Variants in LRRC42 observed in about 807,000 individuals in gnomAD.
LRRC42 encodes the protein leucine-rich repeat-containing protein 42.
In LRRC42, 43 loss-of-function variants were observed where a neutral mutation model predicts 44.3. The observed-to-expected ratio is 0.97, with a 90% CI of 0.76 to 1.25. The LOEUF (loss-of-function observed/expected upper bound fraction) is 1.25. LRRC42 is among the 50% of genes most tolerant of loss of function. LRRC42 has a pLI of 0.00. For synonymous variants in LRRC42, 207 were observed against 195.2 expected, an observed-to-expected ratio of 1.06 and a Z score of -0.50; for missense variants, 540 against 509.1, an observed-to-expected ratio of 1.06 and a Z score of -0.58.
chr1:53,958,674 C>G (rs1654911856), intron 4 of LRRC42, among the ~76,000 whole-genome samples: 1 of 152,196 alleles, frequency 6.6e-6, no homozygotes. Flanking sequence ...GCAACCTCCA[C>G]CTCCCAGGTT....
rs201223513 is a variant in LRRC42 at position 53,957,905 on chromosome 1, C to CATTTATTT, written c.474-224_474-217dup. 2.9e-3 allele frequency among the ~76,000 whole-genome samples: 435 copies of CATTTATTT among 152,118 alleles called. 4 individuals are homozygous for CATTTATTT. Among genetic ancestry groups the CATTTATTT allele is most frequent in the African/African-American group, 0.01 (423 of 41,468 alleles). On this transcript the variant is annotated intron_variant, in intron 3 of 8. Coordinates refer to ENST00000371370, the MANE Select transcript of LRRC42 (RefSeq NM_001256409.2). ...CTTGTGACTTTCCTTTGCTAATATA[C>CATTTATTT]ATTTATTTATTTATTTATTTATTTA...
rs778424436 is a variant in LRRC42, at chr1:53,967,759, A to G, written c.1107A>G (p.Lys369=). 7 of 1,614,228 alleles carry G rather than the reference A, an allele frequency of 4.3e-6. No individual in the cohort carries two copies. The South Asian group carries it at 5.5e-5, about 13-fold the overall frequency. ...SSEKLQFYKE[K]APDCHGPVLK... ...AGAAACTCCAGTTCTATAAAGAGAA[A>G]GCCCCAGATTGCCATGGGCCAGTGT... Residue 369 remains lysine (K), a synonymous_variant, in exon 9 of 9, where the codon AAA becomes AAG. Transcript: ENST00000371370.
chr1:53,952,315 TC>T lies in LRRC42; in HGVS notation c.319del (p.Ile108LeufsTer28). ...FISDNVDHID[S>X]LIGFPEQIAE... The stretch of plus-strand genomic sequence containing the variant: ...CTCCGACAATGTGGATCACATTGAT[TC>T]CCTTATTGGCTTTCCTGAGCAGATT... On this transcript the variant is annotated frameshift_variant, in exon 3 of 9. Transcript: ENST00000371370. LOFTEE classifies it high-confidence loss of function. 1 of 1,614,228 alleles carries T rather than the reference TC, an allele frequency of 6.2e-7. No individual in the cohort carries two copies. Among genetic ancestry groups the T allele is most frequent in the Non-Finnish European group, 8.5e-7 (1 of 1,180,026 alleles).
chr1:53,963,214 G>A (rs1451433707), intron 7 of LRRC42, among the ~76,000 whole-genome samples: 1 of 152,196 alleles, frequency 6.6e-6, no homozygotes, highest in Non-Finnish European at 1.5e-5. Context: ...CCACAGGTAA[G>A]CAGGGAGACT....
chr1:53,967,332 G>T (rs113274622), intron 8 of LRRC42, among the ~76,000 whole-genome samples: 2,623 of 152,220 alleles, frequency 0.017, 78 homozygotes, highest in African/African-American at 0.06. Flanking sequence ...TTATGTACAT[G>T]ATCTCATGTA....
intron 3 of LRRC42, among the ~76,000 whole-genome samples, chr1:53,953,422 G>T (rs548699055): frequency 6.6e-6 from 1 of 152,170 alleles, no homozygotes; most frequent in Admixed American, 6.5e-5. Context: ...GCAGTGGCAC[G>T]ATCTCAGCTC....
intron 4 of LRRC42, among the ~76,000 whole-genome samples, chr1:53,959,029 GC>G (rs1176473850): frequency 6.6e-6 from 1 of 151,892 alleles, no homozygotes; most frequent in Non-Finnish European, 1.5e-5. Context: ...GATTATAGGC[GC>G]CCCCCACCAC....
At chr1:53,953,577 T>G (rs1369444707) in intron 3 of LRRC42, among the ~76,000 whole-genome samples, 2 of 152,094 alleles carry the variant, frequency 1.3e-5, no homozygotes, top group Non-Finnish European at 2.9e-5. Flanking sequence ...GCCAGGATGG[T>G]GTCGATCTCC....
At chr1:53,952,548 CAG>C (rs1654723815) in intron 3 of LRRC42, 76 bp downstream of exon 3, 7 of 1,227,284 alleles carry the variant, frequency 5.7e-6, no homozygotes, top group Non-Finnish European at 7.9e-6. Flanking sequence ...TTAGTGGGCT[CAG>C]GGGCTTCCCT....
chr1:53,965,548 C>T (rs1316601560), intron 7 of LRRC42, among the ~76,000 whole-genome samples: 2 of 150,386 alleles, frequency 1.3e-5, no homozygotes, highest in African/African-American at 4.9e-5. Context: ...GGCACTGTCT[C>T]AGCTCACTGC....
At chr1:53,961,918 C>T in intron 5 of LRRC42, 116 bp from the exon 6 acceptor site, 1 of 714,462 alleles carries the variant, frequency 1.4e-6, no homozygotes, top group Non-Finnish European at 2.4e-6. Flanking sequence ...AAAAGTTTGC[C>T]AACTCAAATG....
chr1:53,951,549 T>C (rs1654680647), intron 2 of LRRC42, among the ~76,000 whole-genome samples: 1 of 152,196 alleles, frequency 6.6e-6, no homozygotes, highest in African/African-American at 2.4e-5. Context: ...CTCAGCCTCC[T>C]GAGTAGCTGG....
chr1:53,956,441 T>C (rs922796053), intron 3 of LRRC42, among the ~76,000 whole-genome samples: 1 of 152,250 alleles, frequency 6.6e-6, no homozygotes, highest in Non-Finnish European at 1.5e-5. Context: ...ATATTGTTTC[T>C]CTTTTTCTTA....
intron 2 of LRRC42, among the ~76,000 whole-genome samples, chr1:53,949,405 A>G (rs997734918): frequency 4.6e-5 from 7 of 152,224 alleles, no homozygotes; most frequent in South Asian, 4.1e-4. Context: ...TTCATCCACT[A>G]TAATAGGGTA....
At chr1:53,953,794 C>T (rs1309492070) in intron 3 of LRRC42, among the ~76,000 whole-genome samples, 2 of 151,496 alleles carry the variant, frequency 1.3e-5, no homozygotes, top group African/African-American at 4.9e-5. Context: ...TGCAATGGCG[C>T]GATCTCAGCT....
At chr1:53,957,023 G>C (rs1368577357) in intron 3 of LRRC42, among the ~76,000 whole-genome samples, 2 of 152,172 alleles carry the variant, frequency 1.3e-5, no homozygotes, top group African/African-American at 2.4e-5. Context: ...ACCCTTTAAG[G>C]GGGTATCAGT....
rs117015457 is a variant in LRRC42, at chr1:53,953,032, C to T, written c.473+560C>T. Among the ~76,000 whole-genome samples, 1,082 of 152,224 alleles carry T rather than the reference C, an allele frequency of 7.1e-3. 10 individuals carry two copies. Among genetic ancestry groups the T allele is most frequent in the African/African-American group, 0.024 (1,013 of 41,508 alleles). ...GCTTTATTTAAAATTTTTACTTTAC[C>T]GTCATGTAAAAACACTTTCAAAACA... On this transcript the variant is annotated intron_variant, in intron 3 of 8. Coordinates refer to ENST00000371370, the MANE Select transcript of LRRC42 (RefSeq NM_001256409.2).
intron 3 of LRRC42, among the ~76,000 whole-genome samples, chr1:53,956,177 C>G (rs1654831528): frequency 6.6e-6 from 1 of 152,118 alleles, no homozygotes; most frequent in African/African-American, 2.4e-5. Flanking sequence ...AATAAAATAA[C>G]TGGGTAGGTG....
chr1:53,958,205 G>A lies in LRRC42; in HGVS notation c.530G>A (p.Cys177Tyr). 1.2e-6 allele frequency: 2 copies of A among 1,613,896 alleles called. No homozygotes were observed. The highest frequency in any genetic ancestry group is 1.7e-6 in the Non-Finnish European group (2 of 1,179,848). Residue 177 changes from cysteine (C) to tyrosine (Y), a missense_variant, in exon 4 of 9, where the codon TGC (cysteine) becomes TAC (tyrosine). Physicochemically the swap from Cys to Tyr is radical, Grantham distance 194. Transcript: ENST00000371370. ...ATTAAGTCTTTCCGGGAGCTGACCT[G>A]CCTGGATCTTTCCTGTTGCAAGCTT... The part of the protein sequence containing the change: ...EEIKSFRELT[C>Y]LDLSCCKLGD...
Sources: allele counts gnomAD v4.1 joint callset (sites outside exome capture counted in the v4.1 genomes callset), GRCh38; gene constraint gnomAD v4.1.1; transcripts MANE v1.5; gene names NCBI Gene and HGNC (gene_info 2026-07-23, HGNC 2026-07-21).